Variants in F5 observed in about 807,000 individuals in gnomAD.
The protein encoded by F5 is activated protein c cofactor.
In F5, 138 loss-of-function variants were observed where a neutral mutation model predicts 216.4. That is an observed-to-expected ratio of 0.64 (90% CI 0.56 to 0.73). F5 has a LOEUF of 0.73. Among genes scored for constraint, F5 ranks in the 30% least tolerant of loss-of-function variants. The probability of loss-of-function intolerance (pLI) is 0.00; values close to 1 mark genes in which losing one functional copy is unlikely to be tolerated. For missense variants in F5, 2,403 were observed against 2,674.0 expected, an observed-to-expected ratio of 0.90 and a Z score of 2.24; for synonymous variants, 916 against 930.7, an observed-to-expected ratio of 0.98 and a Z score of 0.29.
intron 13 of F5, among the ~76,000 whole-genome samples, chr1:169,538,825 G>A (rs1659766247): frequency 6.6e-6 from 1 of 152,124 alleles, no homozygotes; most frequent in South Asian, 2.1e-4. Context: ...CTATAAAGGG[G>A]TAATGAGAGG....
chr1:169,538,000 C>A (rs1300649648), intron 13 of F5, among the ~76,000 whole-genome samples: 1 of 152,082 alleles, frequency 6.6e-6, no homozygotes, highest in Non-Finnish European at 1.5e-5. Context: ...AAAATGAAAT[C>A]AGTATGTTGA....
intron 6 of F5, among the ~76,000 whole-genome samples, chr1:169,556,144 C>CA (rs1198066262): frequency 6.6e-6 from 1 of 152,150 alleles, no homozygotes; most frequent in Non-Finnish European, 1.5e-5. Flanking sequence ...GCTCACCCCT[C>CA]AGTATATGCC....
intron 3 of F5, among the ~76,000 whole-genome samples, chr1:169,567,283 A>G (rs1660624836): frequency 6.6e-6 from 1 of 152,022 alleles, no homozygotes; most frequent in African/African-American, 2.4e-5. Context: ...ACCTAATGCT[A>G]GATGACGAGT....
chr1:169,549,754 G>A (rs1660115845), intron 10 of F5, 47 bp downstream of exon 10: 2 of 1,439,982 alleles, frequency 1.4e-6, no homozygotes, highest in Admixed American at 1.7e-5. Flanking sequence ...GTTCTAGCCA[G>A]AAGAAATTCT....
intron 1 of F5, among the ~76,000 whole-genome samples, chr1:169,583,545 G>A (rs9332494): frequency 0.046 from 6,997 of 152,234 alleles, 547 homozygotes; most frequent in African/African-American, 0.16. Flanking sequence ...CTACAACTAT[G>A]AAATGAGATT....
At chr1:169,524,793 AAC>A (rs1659397101) in intron 19 of F5, 42 bp downstream of exon 19, 9 of 1,493,040 alleles carry the variant, frequency 6.0e-6, no homozygotes, top group Non-Finnish European at 8.4e-6. Flanking sequence ...CATGCTGCAC[AAC>A]TGTAGGGGGT....
At chr1:169,531,362 C>G (rs771996829) in intron 14 of F5, among the ~76,000 whole-genome samples, 39 of 152,180 alleles carry the variant, frequency 2.6e-4, no homozygotes, top group Non-Finnish European at 4.4e-4. Context: ...CCTGCTGAAA[C>G]AGACATGCAC....
chr1:169,531,157 A>G, intron 14 of F5, 135 bp from the exon 15 acceptor site: 1 of 690,182 alleles, frequency 1.4e-6, no homozygotes, highest in South Asian at 1.7e-5. Context: ...ACTTATGTAT[A>G]TTATTTCATT....
chr1:169,560,564 G>A lies in F5; in HGVS notation c.576C>T (p.Ile192=), dbSNP rs989616209. ...TGGGGGTGTTCTTACCTTTTTTACA[G>A]ATAAGCAGGGGCCCAATCAGCCCCG... ...FNSGLIGPLL[I]CKKGTLTEGG... Residue 192 remains isoleucine (I), a synonymous_variant, in exon 4 of 25, where the codon ATC becomes ATT. Transcript: ENST00000367797. The A allele has an allele frequency of 6.2e-7, 1 of 1,613,602 alleles. No homozygotes were observed. Among genetic ancestry groups the A allele is most frequent in the Non-Finnish European group, 8.5e-7 (1 of 1,179,698 alleles).
intron 15 of F5, 115 bp from the exon 16 acceptor site, chr1:169,529,933 A>G: frequency 1.2e-6 from 1 of 819,968 alleles, no homozygotes; most frequent in Non-Finnish European, 2.0e-6. Flanking sequence ...TTTGAAGATG[A>G]AGATTATAAA....
intron 10 of F5, 128 bp downstream of exon 10, chr1:169,549,673 A>G: frequency 1.4e-6 from 1 of 695,720 alleles, no homozygotes; most frequent in Non-Finnish European, 2.5e-6. Context: ...CACTGGTGCT[A>G]AAAAGGACTA....
intron 5 of F5, among the ~76,000 whole-genome samples, chr1:169,558,945 T>A (rs567042693): frequency 9.9e-4 from 151 of 152,100 alleles, no homozygotes; most frequent in Middle Eastern, 3.4e-3. Context: ...CAGGTCACTA[T>A]ACCTAACAAG....
At position 169,512,635 on chromosome 1, in the gene F5, C is replaced by G. The variant is rs1205200979; in HGVS notation, c.*1678G>C. On this transcript the variant is annotated 3_prime_UTR_variant, in exon 25 of 25. Transcript: ENST00000367797. ...CCACCTTCCAACATTCTCTTTTGCT[C>G]TTAACGGAATGGAAATCTTAGAAAT... Among the ~76,000 whole-genome samples the G allele has an allele frequency of 6.6e-6, 1 of 152,036 alleles. No homozygotes were observed. Among genetic ancestry groups the G allele is most frequent in the East Asian group, 1.9e-4 (1 of 5,192 alleles).
At chr1:169,527,287 C>G (rs1263072657) in intron 17 of F5, among the ~76,000 whole-genome samples, 1 of 152,160 alleles carries the variant, frequency 6.6e-6, no homozygotes, top group African/African-American at 2.4e-5. Flanking sequence ...TTTTATACTG[C>G]TGCACAAGTA....
In F5 at chr1:169,543,140, G is replaced by C. The variant is rs1557916885; in HGVS notation, c.1976-26C>G. On this transcript the variant is annotated intron_variant, in intron 12 of 24. Transcript: ENST00000367797. ...CTACAGAAGAGAGACAGACAGAAGA[G>C]AGATCTGGAAGTCTGGGAAAAGACA... is the stretch of plus-strand genomic sequence containing the variant. 1.9e-6 allele frequency: 3 copies of C among 1,602,986 alleles called. No homozygotes were observed. The Admixed American group carries it at 5.0e-5, about 27-fold the overall frequency.
At chr1:169,529,564 G>C (rs777695263) in intron 16 of F5, 44 bp downstream of exon 16, 3 of 1,513,290 alleles carry the variant, frequency 2.0e-6, no homozygotes, top group Non-Finnish European at 1.8e-6. Context: ...CTGTGACCCA[G>C]TGTGATTTAA....
intron 4 of F5, among the ~76,000 whole-genome samples, chr1:169,559,913 G>C (rs1571589922): frequency 6.6e-6 from 1 of 152,082 alleles, no homozygotes; most frequent in Middle Eastern, 3.4e-3. Flanking sequence ...GTATGTATAG[G>C]CAGATGGTGA....
At chr1:169,585,130 G>T (rs1285548362) in intron 1 of F5, among the ~76,000 whole-genome samples, 3 of 152,150 alleles carry the variant, frequency 2.0e-5, no homozygotes, top group Non-Finnish European at 4.4e-5. Context: ...TTCCCAAAGG[G>T]TGTGGGTGTG....
Position 169,582,299 on chromosome 1 carries a change from G to C in F5, c.250+132C>G, listed in dbSNP as rs975825183. ...TGCACTGGGCCCCACATATTATGTA[G>C]CCAGTACTTCTTAAAAAAAAAACCA... is the stretch of plus-strand genomic sequence containing the variant. On this transcript the variant is annotated intron_variant, in intron 2 of 24. Coordinates refer to ENST00000367797, the MANE Select transcript of F5 (RefSeq NM_000130.5). 21 of 530,170 alleles carry C rather than the reference G, an allele frequency of 4.0e-5. No homozygotes were observed. In the Admixed American group the frequency reaches 4.5e-4, roughly 11 times the overall value. The allele number at this position is 530,170 out of a possible 1,614,324, so 32.8% of individuals were successfully genotyped here. A position where few individuals can be genotyped will look rare whatever the true frequency, so the allele number is the denominator to read the frequency against.
Sources: allele counts gnomAD v4.1 joint callset (sites outside exome capture counted in the v4.1 genomes callset), GRCh38; gene constraint gnomAD v4.1.1; transcripts MANE v1.5; gene names NCBI Gene and HGNC (gene_info 2026-07-23, HGNC 2026-07-21).